LUC7L2: variants seen among roughly 807,000 people sequenced by gnomAD.
LUC7L2 encodes putative RNA-binding protein Luc7-like 2.
A neutral mutation model predicts 52.8 loss-of-function variants in LUC7L2; 25 were observed. That is an observed-to-expected ratio of 0.47 (90% confidence interval 0.34 to 0.66). The LOEUF is 0.66. Among genes scored for constraint, LUC7L2 ranks in the 30% least tolerant of loss-of-function variants. The pLI, the probability that LUC7L2 is intolerant of heterozygous loss-of-function variation, is 0.01. For synonymous variants in LUC7L2, 144 were observed against 160.9 expected (o/e 0.89, Z 0.80); for missense variants, 328 against 497.8 (o/e 0.66, Z 3.25).
At chr7:139,384,790 G>A (rs1390776543) in intron 2 of LUC7L2, among the ~76,000 whole-genome samples, 1 of 152,020 alleles carries the variant, frequency 6.6e-6, no homozygotes, top group Non-Finnish European at 1.5e-5. Context: ...TGTTGTCCAG[G>A]CTGGAGTGCA....
upstream of LUC7L2, among the ~76,000 whole-genome samples, chr7:139,356,327 AAAAAAAAAAAAAAAAAG>A (rs1233859718): frequency 1.5e-3 from 98 of 65,682 alleles, 2 homozygotes; most frequent in African/African-American, 0.033. Flanking sequence ...AAAAAAAAAA[AAAAAAAAAAAAAAAAAG>A]GAACCTCCAA....
At chr7:139,346,867 G>T (rs1799285173) in intron 1 of LUC7L2, among the ~76,000 whole-genome samples, 1 of 152,126 alleles carries the variant, frequency 6.6e-6, no homozygotes, top group South Asian at 2.1e-4. Flanking sequence ...AGAAACTTGG[G>T]CTTCATTTGG....
chr7:139,349,223 G>A (rs1799370523), intron 1 of LUC7L2, among the ~76,000 whole-genome samples: 1 of 152,146 alleles, frequency 6.6e-6, no homozygotes, highest in African/African-American at 2.4e-5. Flanking sequence ...TCAACAAAGA[G>A]AAAATCTTAC....
At chr7:139,378,128 C>T (rs1472373385) in intron 2 of LUC7L2, among the ~76,000 whole-genome samples, 1 of 151,930 alleles carries the variant, frequency 6.6e-6, no homozygotes, top group Non-Finnish European at 1.5e-5. Context: ...ATAATAAACT[C>T]CTTTATCTAC....
intron 2 of LUC7L2, among the ~76,000 whole-genome samples, chr7:139,384,686 C>T (rs929374281): frequency 1.3e-5 from 2 of 152,142 alleles, no homozygotes; most frequent in African/African-American, 2.4e-5. Flanking sequence ...CAAGAATACT[C>T]AAAAATAGTA....
chr7:139,378,857 T>C (rs1800847564), intron 2 of LUC7L2, among the ~76,000 whole-genome samples: 1 of 152,178 alleles, frequency 6.6e-6, no homozygotes, highest in African/African-American at 2.4e-5. Context: ...TCCTCAAAAC[T>C]CTGCTTAAAT....
At chr7:139,398,279 CTTT>C (rs535442950) in intron 2 of LUC7L2, among the ~76,000 whole-genome samples, 209 of 152,218 alleles carry the variant, frequency 1.4e-3, no homozygotes, top group Non-Finnish European at 2.4e-3. Flanking sequence ...TTAACTTGAT[CTTT>C]TTTGTGTTGT....
At chr7:139,401,411 A>G (rs1171765034) in intron 3 of LUC7L2, among the ~76,000 whole-genome samples, 1 of 151,982 alleles carries the variant, frequency 6.6e-6, no homozygotes, top group Non-Finnish European at 1.5e-5. Flanking sequence ...AACATTTGTA[A>G]TTTGCTTTTT....
At chr7:139,419,944 A>G (rs1795812316) in intron 9 of LUC7L2, among the ~76,000 whole-genome samples, 1 of 152,238 alleles carries the variant, frequency 6.6e-6, no homozygotes, top group African/African-American at 2.4e-5. Context: ...TTCATACAAC[A>G]TCAAGTTATT....
upstream of LUC7L2, among the ~76,000 whole-genome samples, chr7:139,355,003 G>A (rs975611601): frequency 3.3e-5 from 5 of 152,122 alleles, no homozygotes; most frequent in South Asian, 2.1e-4. Context: ...GATTACTGGC[G>A]CACAACATGC....
chr7:139,408,285 T>G (rs1795206215), intron 6 of LUC7L2, among the ~76,000 whole-genome samples: 1 of 152,172 alleles, frequency 6.6e-6, no homozygotes. Context: ...GTTACTAGGC[T>G]CCAAGTTAAA....
At position 139,422,881 on chromosome 7, in the gene LUC7L2, T is replaced by G; in HGVS notation, c.*541T>G. The G allele has an allele frequency of 2.5e-6, 1 of 399,052 alleles. No homozygotes were observed. 24.7% of individuals were successfully genotyped at this position (399,052 alleles called of 1,614,324 possible). ...TCCTGGAATGTGTGCTGGAGAAATT[T>G]AAAATACTGGGGTTTTTTGTTTAAT... On this transcript the variant is annotated 3_prime_UTR_variant, in exon 10 of 10. Coordinates refer to ENST00000354926, the MANE Select transcript of LUC7L2 (RefSeq NM_016019.5).
chr7:139,367,105 G>C (rs1158372977), intron 1 of LUC7L2, among the ~76,000 whole-genome samples: 1 of 152,074 alleles, frequency 6.6e-6, no homozygotes, highest in Non-Finnish European at 1.5e-5. Flanking sequence ...CCGAGTGGCT[G>C]AGATGACAGG....
At chr7:139,357,230 A>C (rs1299654777), upstream of LUC7L2, among the ~76,000 whole-genome samples, 4 of 152,206 alleles carry the variant, frequency 2.6e-5, no homozygotes, top group Non-Finnish European at 5.9e-5. Context: ...AGAGAAAAAC[A>C]TGAAATAGAT....
intron 1 of LUC7L2, 124 bp downstream of exon 1, chr7:139,360,446 A>T: frequency 1.2e-6 from 1 of 824,368 alleles, no homozygotes; most frequent in Admixed American, 2.6e-5. Flanking sequence ...TGGTAACACG[A>T]GGTCCCCGTC....
chr7:139,374,835 G>C, intron 1 of LUC7L2: 2 of 1,035,270 alleles, frequency 1.9e-6, no homozygotes, highest in Non-Finnish European at 2.3e-6. Flanking sequence ...TTTAGTATAT[G>C]ACCATATGAA....
chr7:139,418,254 G>C (rs1795716844), intron 9 of LUC7L2, among the ~76,000 whole-genome samples: 1 of 152,062 alleles, frequency 6.6e-6, no homozygotes, highest in Non-Finnish European at 1.5e-5. Context: ...GACTTCCCTT[G>C]GTTTAATGAG....
chr7:139,371,239 ATAC>A (rs1800435558), intron 1 of LUC7L2: 1 of 612,942 alleles, frequency 1.6e-6, no homozygotes. Context: ...TCTGTACAAA[ATAC>A]TGATTGTTTT....
chr7:139,409,775 C>G, intron 7 of LUC7L2, 121 bp downstream of exon 7: 2 of 1,346,612 alleles, frequency 1.5e-6, no homozygotes, highest in Non-Finnish European at 1.9e-6. Context: ...CTTCTGCTTA[C>G]TTTAAAAAAT....
Sources: allele counts gnomAD v4.1 joint callset (sites outside exome capture counted in the v4.1 genomes callset), GRCh38; gene constraint gnomAD v4.1.1; transcripts MANE v1.5; gene names NCBI Gene and HGNC (gene_info 2026-07-23, HGNC 2026-07-21).